The following CDCA2 variants were observed in gnomAD, a reference collection of about 807,000 sequenced individuals.
CDCA2 encodes the protein cell division cycle associated 2.
A neutral mutation model predicts 67.0 loss-of-function variants in CDCA2; 44 were observed. The ratio of observed to expected loss-of-function variants is 0.66; its 90% CI spans 0.52 to 0.84. The LOEUF (loss-of-function observed/expected upper bound fraction) is 0.84, where lower values mean the gene tolerates loss of function less well. CDCA2 is among the 40% of genes least tolerant of loss of function. The pLI, the probability that CDCA2 is intolerant of heterozygous loss-of-function variation, is 0.00. For synonymous variants in CDCA2, 447 were observed against 418.7 expected, an observed-to-expected ratio of 1.07 and a Z score of -0.82; for missense variants, 1,253 against 1,203.2, an observed-to-expected ratio of 1.04 and a Z score of -0.61.
chr8:25,477,929 CTT>C (rs374545705), intron 7 of CDCA2, among the ~76,000 whole-genome samples: 1 of 143,714 alleles, frequency 7.0e-6, no homozygotes, highest in Non-Finnish European at 1.5e-5. Context: ...TTTTCTTTTC[CTT>C]TTTTTTTTTT....
intron 7 of CDCA2, 88 bp from the exon 8 acceptor site, chr8:25,479,822 GTTA>G: frequency 8.4e-7 from 1 of 1,195,440 alleles, no homozygotes; most frequent in Admixed American, 1.8e-5. Context: ...TTCATAGCAT[GTTA>G]TTATCTTTGC....
chr8:25,484,727 G>A (rs781691968), intron 10 of CDCA2, among the ~76,000 whole-genome samples: 9 of 151,668 alleles, frequency 5.9e-5, no homozygotes, highest in Non-Finnish European at 1.2e-4. Context: ...TTAGCCTCCC[G>A]AGTAGCTGGG....
chr8:25,469,328 T>C (rs1803059800), intron 6 of CDCA2, among the ~76,000 whole-genome samples: 1 of 152,234 alleles, frequency 6.6e-6, no homozygotes, highest in African/African-American at 2.4e-5. Flanking sequence ...CTCGGCTGCC[T>C]CCGCCCTTTT....
At position 25,483,946 on chromosome 8, in the gene CDCA2, C is replaced by A. The variant is rs757400830; in HGVS notation, c.1121-20C>A. On this transcript the variant is annotated intron_variant, in intron 9 of 14. Transcript: ENST00000330560. ...TATAGCTTAATTTTTAAGTTACTCTCATTTATTGTCTAATTATAGAAGATG... is the reference window on the plus strand; with the variant it reads ...TATAGCTTAATTTTTAAGTTACTCTAATTTATTGTCTAATTATAGAAGATG... 2.5e-6 allele frequency: 4 copies of A among 1,597,364 alleles called. No individual in the cohort carries two copies. The highest frequency in any genetic ancestry group is 3.4e-6 in the Non-Finnish European group (4 of 1,167,116).
chr8:25,488,801 A>G, intron 13 of CDCA2, 112 bp downstream of exon 13: 1 of 1,059,674 alleles, frequency 9.4e-7, no homozygotes. Flanking sequence ...GACCAAGATT[A>G]TTAATGCAAT....
At position 25,466,169 on chromosome 8, in the gene CDCA2, T is replaced by C; in HGVS notation, c.388-6T>C. 6.3e-7 allele frequency: 1 copy of C among 1,589,724 alleles called. No homozygotes were observed. Among genetic ancestry groups the C allele is most frequent in the Non-Finnish European group, 8.5e-7 (1 of 1,173,810 alleles). On this transcript the variant is annotated splice_polypyrimidine_tract_variant and splice_region_variant and intron_variant, in intron 4 of 14. Coordinates refer to ENST00000330560, the MANE Select transcript of CDCA2 (RefSeq NM_152562.4). Reference sequence around the variant, plus strand: ...AATACTCCTTGTATATTTTGCACTTTCACAGGGCAGCCCTGCACTGTATCG... The same window carrying C: ...AATACTCCTTGTATATTTTGCACTTCCACAGGGCAGCCCTGCACTGTATCG...
At chr8:25,478,499 CA>C (rs1164980405) in intron 7 of CDCA2, among the ~76,000 whole-genome samples, 2 of 152,130 alleles carry the variant, frequency 1.3e-5, no homozygotes, top group African/African-American at 4.8e-5. Context: ...CTGCCCTCCT[CA>C]AAATCTTTCA....
intron 13 of CDCA2, among the ~76,000 whole-genome samples, chr8:25,501,595 C>T (rs1276809158): frequency 2.6e-4 from 40 of 152,358 alleles, no homozygotes; most frequent in Non-Finnish European, 1.5e-5. Flanking sequence ...AAGAGCCTTT[C>T]TGCATCGCCC....
In CDCA2 at chr8:25,506,553, T is replaced by TA. The variant is rs1204495071; in HGVS notation, c.1892dup (p.Asn631LysfsTer12). Reference sequence around the variant, plus strand: ...GCAAACTGGAAGAAGTGAAGACTCCTAAAAATCCAGTGAAAAGAAAGGATC... The same window carrying TA: ...GCAAACTGGAAGAAGTGAAGACTCCTAAAAAATCCAGTGAAAAGAAAGGATC... On this transcript the variant is annotated frameshift_variant, in exon 15 of 15. Coordinates refer to ENST00000330560, the MANE Select transcript of CDCA2 (RefSeq NM_152562.4). LOFTEE classifies it low-confidence loss of function (END_TRUNC). 1 of 1,595,270 alleles carries TA rather than the reference T, an allele frequency of 6.3e-7. No individual in the cohort carries two copies. The highest frequency in any genetic ancestry group is 1.4e-5 in the African/African-American group (1 of 73,612).
In CDCA2 at chr8:25,507,182, G is replaced by A. The variant is rs997904682; in HGVS notation, c.2516G>A (p.Gly839Asp). Residue 839 changes from glycine (G) to aspartate (D), a missense_variant, in exon 15 of 15, where the codon GGT becomes GAT. Transcript: ENST00000330560. ...AGACGTTCCATGTGTTATTCTGATG[G>A]TCGAAGTTTACATTTGGAAAAAAAT... is the stretch of plus-strand genomic sequence containing the variant. ...DRRRSMCYSD[G>D]RSLHLEKNGN... 6.2e-7 allele frequency: 1 copy of A among 1,614,170 alleles called. No individual in the cohort carries two copies. The highest frequency in any genetic ancestry group is 8.5e-7 in the Non-Finnish European group (1 of 1,180,026).
intron 13 of CDCA2, among the ~76,000 whole-genome samples, chr8:25,494,394 T>C (rs752337515): frequency 1.3e-5 from 2 of 152,236 alleles, no homozygotes; most frequent in African/African-American, 2.4e-5. Context: ...ATATTAACTA[T>C]GTAGCATTTA....
chr8:25,499,327 CAG>C (rs1804378328), intron 13 of CDCA2, among the ~76,000 whole-genome samples: 2 of 106,612 alleles, frequency 1.9e-5, no homozygotes, highest in Admixed American at 1.4e-4. Flanking sequence ...TTTTTTGAGA[CAG>C]AGTCTCTCTC....
At position 25,507,650 on chromosome 8, in the gene CDCA2, A is replaced by G. The variant is rs1380417056; in HGVS notation, c.2984A>G (p.Tyr995Cys). Residue 995 changes from tyrosine (Y) to cysteine (C), a missense_variant, in exon 15 of 15, where the codon TAC becomes TGC. Tyr to Cys is a radical substitution (Grantham distance 194, BLOSUM62 -2). Transcript: ENST00000330560. ...NTKATSQFKG[Y>C]RRRSSLNGKG... ...AAAGCCACTTCCCAGTTCAAAGGCT[A>G]CCGGAGAAGATCCTCTCTTAATGGG... The G allele has an allele frequency of 1.9e-6, 3 of 1,614,206 alleles. No homozygotes were observed. Among genetic ancestry groups the G allele is most frequent in the African/African-American group, 2.7e-5 (2 of 75,064 alleles).
intron 13 of CDCA2, among the ~76,000 whole-genome samples, chr8:25,498,125 G>C (rs941978107): frequency 1.3e-4 from 20 of 152,280 alleles, no homozygotes; most frequent in African/African-American, 4.6e-4. Context: ...AAGAAATTAT[G>C]GGCCAAGGGA....
intron 5 of CDCA2, among the ~76,000 whole-genome samples, chr8:25,467,332 G>C (rs1330523756): frequency 2.0e-5 from 3 of 152,138 alleles, no homozygotes; most frequent in African/African-American, 7.2e-5. Flanking sequence ...CATGAGGATT[G>C]CTCTGTTAGC....
In CDCA2 at chr8:25,468,238, C is replaced by T. The variant is rs1168554998; in HGVS notation, c.560C>T (p.Ala187Val). 1.2e-6 allele frequency: 2 copies of T among 1,608,618 alleles called. No homozygotes were observed. Among genetic ancestry groups the T allele is most frequent in the African/African-American group, 2.7e-5 (2 of 74,862 alleles). Residue 187 changes from alanine to valine, a missense_variant, in exon 6 of 15, where the codon GCT becomes GTT. Transcript: ENST00000330560. Reference protein sequence around the residue: ...TDLTRKEGLSACQQSGFPAVL... With the variant: ...TDLTRKEGLSVCQQSGFPAVL... The stretch of plus-strand genomic sequence containing the variant: ...ATAGCCAGAAAGGAAGGTCTCAGCG[C>T]TTGCCAGCAGTCTGGGTTCCCTGCA...
intron 4 of CDCA2, among the ~76,000 whole-genome samples, chr8:25,463,141 CT>C (rs1238455118): frequency 6.6e-6 from 1 of 151,912 alleles, no homozygotes; most frequent in African/African-American, 2.4e-5. Context: ...TTCATGACTA[CT>C]GTGTGTTGAT....
chr8:25,503,559 T>G lies in CDCA2; in HGVS notation c.1843+15T>G. On this transcript the variant is annotated intron_variant, in intron 14 of 14. Transcript: ENST00000330560. ...ACTGGGTTCAGGTATCCTGACATTT[T>G]CCTGGTAGTTATATTTTATCTTTTC... 2 of 1,578,686 alleles carry G rather than the reference T, an allele frequency of 1.3e-6. No individual in the cohort carries two copies. The highest frequency in any genetic ancestry group is 1.7e-6 in the Non-Finnish European group (2 of 1,168,612).
rs77574651 is a variant in CDCA2, at chr8:25,493,182, G to T, written c.1671+4493G>T. On this transcript the variant is annotated intron_variant, in intron 13 of 14. Transcript: ENST00000330560. ...AGAAATAGAAATATAAAAGTTCAATGTTTACCAACTGAAGAGCCACAATTA... is the reference window on the plus strand; with the variant it reads ...AGAAATAGAAATATAAAAGTTCAATTTTTACCAACTGAAGAGCCACAATTA... Among the ~76,000 whole-genome samples the T allele has an allele frequency of 3.4e-3, 521 of 152,276 alleles. 2 individuals are homozygous for T. Among genetic ancestry groups the T allele is most frequent in the Middle Eastern group, 6.8e-3 (2 of 294 alleles).
Sources: allele counts gnomAD v4.1 joint callset (sites outside exome capture counted in the v4.1 genomes callset), GRCh38; gene constraint gnomAD v4.1.1; transcripts MANE v1.5; gene names NCBI Gene and HGNC (gene_info 2026-07-23, HGNC 2026-07-21).